Variants in C1orf185 observed in about 807,000 individuals in gnomAD.
C1orf185 encodes the protein chromosome 1 open reading frame 185, also known as uncharacterized protein C1orf185.
A neutral mutation model predicts 16.1 loss-of-function variants in C1orf185; 13 were observed. The observed-to-expected ratio is 0.81, with a 90% confidence interval of 0.53 to 1.28. The LOEUF (loss-of-function observed/expected upper bound fraction) is 1.28, where lower values mean the gene tolerates loss of function less well. Among genes scored for constraint, C1orf185 ranks in the 50% most tolerant of loss-of-function variants. The pLI, the probability that C1orf185 is intolerant of heterozygous loss-of-function variation, is 0.00. For synonymous variants in C1orf185, 80 were observed against 76.9 expected (o/e 1.04, Z -0.21); for missense variants, 220 against 225.2 (o/e 0.98, Z 0.15).
intron 3 of C1orf185, among the ~76,000 whole-genome samples, chr1:51,119,016 A>G (rs545386391): frequency 3.5e-4 from 53 of 152,320 alleles, no homozygotes; most frequent in African/African-American, 1.3e-3. Flanking sequence ...TAGCCCAACA[A>G]CCTGCATTCC....
intron 1 of C1orf185, among the ~76,000 whole-genome samples, chr1:51,108,739 C>A (rs1646091843): frequency 6.6e-6 from 1 of 152,112 alleles, no homozygotes. Flanking sequence ...CATGTTGCTG[C>A]AAATGTTTCA....
intron 3 of C1orf185, among the ~76,000 whole-genome samples, chr1:51,128,949 A>G (rs1427270878): frequency 6.6e-6 from 1 of 152,008 alleles, no homozygotes; most frequent in African/African-American, 2.4e-5. Context: ...CAGTGGCACA[A>G]TCTTGGCTCA....
chr1:51,111,086 G>A (rs1646113541), intron 1 of C1orf185, among the ~76,000 whole-genome samples: 2 of 152,026 alleles, frequency 1.3e-5, no homozygotes, highest in African/African-American at 4.8e-5. Context: ...TCTTAAGGAA[G>A]ACTTGACCAA....
chr1:51,134,639 A>G (rs1451207665), intron 3 of C1orf185, among the ~76,000 whole-genome samples: 1 of 152,220 alleles, frequency 6.6e-6, no homozygotes, highest in African/African-American at 2.4e-5. Context: ...AGACTGTTCA[A>G]ATAAACACAA....
chr1:51,150,674 A>G (rs1219810243), downstream of C1orf185, among the ~76,000 whole-genome samples: 3 of 152,212 alleles, frequency 2.0e-5, no homozygotes, highest in Non-Finnish European at 4.4e-5. Flanking sequence ...TTCACTCTTT[A>G]TGCAAGCTGA....
chr1:51,125,989 C>G (rs963475186), intron 3 of C1orf185, among the ~76,000 whole-genome samples: 3 of 152,068 alleles, frequency 2.0e-5, no homozygotes, highest in Non-Finnish European at 2.9e-5. Flanking sequence ...GAGACCCCAG[C>G]TCTAAAAACA....
chr1:51,112,826 T>G (rs1646131242), intron 2 of C1orf185, among the ~76,000 whole-genome samples: 1 of 151,672 alleles, frequency 6.6e-6, no homozygotes, highest in South Asian at 2.1e-4. Flanking sequence ...CTTTTTTTTT[T>G]TTTCTTTTCT....
chr1:51,147,495 C>T lies in C1orf185; in HGVS notation c.324C>T (p.Pro108=), dbSNP rs1290108686. The T allele has an allele frequency of 1.1e-5, 17 of 1,542,200 alleles. No homozygotes were observed. Among genetic ancestry groups the T allele is most frequent in the Non-Finnish European group, 1.4e-5 (16 of 1,143,462 alleles). Residue 108 remains proline, a synonymous_variant, in exon 5 of 5, where the codon CCC becomes CCT. Transcript: ENST00000371759. The stretch of plus-strand genomic sequence containing the variant: ...TTAAAGATCATTCTAAAGATGAACC[C>T]CAACTTGCAACAAAAAATATCATTT... The part of the protein sequence containing the change: ...KAIKDHSKDE[P]QLATKNIICD...
chr1:51,125,921 G>C (rs1646236657), intron 3 of C1orf185, among the ~76,000 whole-genome samples: 1 of 152,156 alleles, frequency 6.6e-6, no homozygotes, highest in South Asian at 2.1e-4. Context: ...ACTTTGGGTT[G>C]CTGAGGTGGG....
chr1:51,105,945 G>GT (rs772457632), intron 1 of C1orf185, among the ~76,000 whole-genome samples: 1 of 152,096 alleles, frequency 6.6e-6, no homozygotes, highest in Non-Finnish European at 1.5e-5. Flanking sequence ...GTGGTAAAAT[G>GT]TTTTGGAAAC....
intron 2 of C1orf185, among the ~76,000 whole-genome samples, chr1:51,116,511 G>T (rs1311847452): frequency 6.6e-6 from 1 of 151,730 alleles, no homozygotes; most frequent in African/African-American, 2.4e-5. Flanking sequence ...ACAGGGTTTT[G>T]CTATGTTGTC....
chr1:51,140,263 G>A (rs1646355855), intron 3 of C1orf185, among the ~76,000 whole-genome samples: 1 of 152,034 alleles, frequency 6.6e-6, no homozygotes, highest in African/African-American at 2.4e-5. Flanking sequence ...TTATTTTAAT[G>A]GGTATCTTTT....
At chr1:51,111,374 C>CTTTTTTTTTTTTTTTTTTTTTTTTTTT (rs11414730) in intron 1 of C1orf185, among the ~76,000 whole-genome samples, 1 of 133,984 alleles carries the variant, frequency 7.5e-6, no homozygotes, top group African/African-American at 3.2e-5. Flanking sequence ...TTCTTTCTTT[C>CTTTTTTTTTTTTTTTTTTTTTTTTTTT]TTTTTTTTTT....
intron 3 of C1orf185, among the ~76,000 whole-genome samples, chr1:51,129,510 C>G (rs146216224): frequency 6.6e-6 from 1 of 152,286 alleles, no homozygotes; most frequent in East Asian, 1.9e-4. Context: ...CTCATGGACT[C>G]AAGGGATCCT....
intron 3 of C1orf185, among the ~76,000 whole-genome samples, chr1:51,124,471 A>C (rs536300358): frequency 6.6e-6 from 1 of 152,328 alleles, no homozygotes; most frequent in Admixed American, 6.5e-5. Flanking sequence ...GAAAGAATTC[A>C]AGGGCAAGCT....
intron 1 of C1orf185, among the ~76,000 whole-genome samples, chr1:51,108,849 G>A (rs1260438055): frequency 6.6e-6 from 1 of 152,002 alleles, no homozygotes; most frequent in Non-Finnish European, 1.5e-5. Context: ...CCATATCTTG[G>A]CTATCGTGAA....
intron 1 of C1orf185, among the ~76,000 whole-genome samples, chr1:51,109,982 C>T (rs1173582637): frequency 6.6e-6 from 1 of 151,990 alleles, no homozygotes; most frequent in Non-Finnish European, 1.5e-5. Flanking sequence ...TTTGGTTACC[C>T]TTAAATTTTT....
At chr1:51,151,107 A>G (rs1465727627), downstream of C1orf185, among the ~76,000 whole-genome samples, 1 of 152,246 alleles carries the variant, frequency 6.6e-6, no homozygotes, top group African/African-American at 2.4e-5. Context: ...TTTTGATTAC[A>G]TATACCTGAA....
intron 2 of C1orf185, among the ~76,000 whole-genome samples, chr1:51,116,277 A>G (rs1217170158): frequency 1.3e-5 from 2 of 149,064 alleles, no homozygotes; most frequent in Non-Finnish European, 3.0e-5. Context: ...CTTCTACCAG[A>G]TGTTCTCCAA....
Sources: allele counts gnomAD v4.1 joint callset (sites outside exome capture counted in the v4.1 genomes callset), GRCh38; gene constraint gnomAD v4.1.1; transcripts MANE v1.5; gene names NCBI Gene and HGNC (gene_info 2026-07-23, HGNC 2026-07-21).